Variants in TBCD observed in about 807,000 individuals in gnomAD.
The protein encoded by TBCD is tubulin-specific chaperone D.
TBCD carries 105 observed loss-of-function variants against 169.3 expected under a neutral mutation model. The observed-to-expected ratio is 0.62, with a 90% CI of 0.53 to 0.73. The LOEUF (loss-of-function observed/expected upper bound fraction) is 0.73. TBCD is among the 30% of genes least tolerant of loss of function. TBCD has a pLI of 0.00. For missense variants in TBCD, 1,444 were observed against 1,600.1 expected (o/e 0.90, Z 1.66); for synonymous variants, 700 against 643.9 (o/e 1.09, Z -1.32).
chr17:82,932,519 C>T, intron 33 of TBCD, 139 bp from the exon 34 acceptor site: 1 of 727,690 alleles, frequency 1.4e-6, no homozygotes. Context: ...TTTGTCTTTT[C>T]CTGAAGCTTT....
intron 13 of TBCD, among the ~76,000 whole-genome samples, chr17:82,824,951 T>A (rs1452309455): frequency 6.6e-6 from 1 of 152,198 alleles, no homozygotes; most frequent in South Asian, 2.1e-4. Context: ...TTTTTTTTTC[T>A]TTTTGCTATA....
chr17:82,881,662 G>T (rs963147592), intron 14 of TBCD, among the ~76,000 whole-genome samples: 11 of 152,214 alleles, frequency 7.2e-5, no homozygotes, highest in African/African-American at 2.4e-4. Flanking sequence ...TGATGTCGTT[G>T]TGGAGCCCGC....
At position 82,905,945 on chromosome 17, in the gene TBCD, G is replaced by C; in HGVS notation, c.1814G>C (p.Arg605Thr). 6.2e-7 allele frequency: 1 copy of C among 1,611,986 alleles called. No homozygotes were observed. The highest frequency in any genetic ancestry group is 8.5e-7 in the Non-Finnish European group (1 of 1,178,960). ...PEFSATQVFPRLLSMTLSPDL... is the reference protein window; with the variant it reads ...PEFSATQVFPTLLSMTLSPDL... ...GCCCTGTCTCTTGCAGTCTTCCCGA[G>C]GCTGCTGTCCATGACACTGAGTCCA... is the stretch of plus-strand genomic sequence containing the variant. Residue 605 changes from arginine (R) to threonine (T), a missense_variant, in exon 20 of 39, where the codon AGG (arginine) becomes ACG (threonine). Transcript: ENST00000355528.
chr17:82,861,479 T>G (rs761395586), intron 13 of TBCD, among the ~76,000 whole-genome samples: 1 of 152,124 alleles, frequency 6.6e-6, no homozygotes, highest in African/African-American at 2.4e-5. Flanking sequence ...ATAAAATCAA[T>G]GTTTGTTTAT....
At chr17:82,861,213 C>T (rs1451293529) in intron 13 of TBCD, among the ~76,000 whole-genome samples, 1 of 151,774 alleles carries the variant, frequency 6.6e-6, no homozygotes, top group Non-Finnish European at 1.5e-5. Flanking sequence ...TGGTCAGGGA[C>T]CCACCCAGTC....
chr17:82,858,087 A>AT (rs1417926723), intron 13 of TBCD, among the ~76,000 whole-genome samples: 2 of 151,692 alleles, frequency 1.3e-5, no homozygotes, highest in African/African-American at 4.8e-5. Context: ...TAACTTTTGT[A>AT]TTTTTTTGTA....
chr17:82,889,217 G>A lies in TBCD; in HGVS notation c.1534-451G>A, dbSNP rs2058960021. Among the ~76,000 whole-genome samples, 1 of 152,144 alleles carries A rather than the reference G, an allele frequency of 6.6e-6. No homozygotes were observed. Among genetic ancestry groups the A allele is most frequent in the African/African-American group, 2.4e-5 (1 of 41,432 alleles). On this transcript the variant is annotated intron_variant, in intron 15 of 38. Coordinates refer to ENST00000355528, the MANE Select transcript of TBCD (RefSeq NM_005993.5). This position sits in a 1 kb window ranked among gnomAD's most constrained non-coding sequence, Gnocchi z 5.3. ...GGGCCTGTGCCCGGCCCTGGGACTC[G>A]GCCTGGAGAGCCTATTGACACCGTG...
At chr17:82,757,381 G>A (rs1797658376) in intron 2 of TBCD, among the ~76,000 whole-genome samples, 2 of 152,156 alleles carry the variant, frequency 1.3e-5, no homozygotes, top group Admixed American at 1.3e-4. Context: ...AGCACTTTGG[G>A]AGGTGGAGGC....
rs1473424280 is a variant in TBCD, at chr17:82,852,625, C to T, written c.1319-17599C>T. Among the ~76,000 whole-genome samples, 4 of 152,168 alleles carry T rather than the reference C, an allele frequency of 2.6e-5. No individual in the cohort carries two copies. In the East Asian group the frequency reaches 7.7e-4, roughly 29 times the overall value. ...GATCCGGGCCCCACTTGCGTGGCCT[C>T]ATTTTACCTTACGCATCTCTAAGGG... On this transcript the variant is annotated intron_variant, in intron 13 of 38. Coordinates refer to ENST00000355528, the MANE Select transcript of TBCD (RefSeq NM_005993.5).
At chr17:82,787,246 A>G (rs2049384714) in intron 7 of TBCD, among the ~76,000 whole-genome samples, 1 of 152,262 alleles carries the variant, frequency 6.6e-6, no homozygotes, top group Non-Finnish European at 1.5e-5. Context: ...GCAGCACCTC[A>G]GAACTATTCA....
intron 13 of TBCD, among the ~76,000 whole-genome samples, chr17:82,859,243 C>T (rs560796315): frequency 1.4e-5 from 2 of 142,242 alleles, no homozygotes; most frequent in Admixed American, 7.1e-5. Flanking sequence ...TCTCGTGGGT[C>T]GTCTGGCCTG....
intron 13 of TBCD, among the ~76,000 whole-genome samples, chr17:82,829,128 C>G (rs1026624357): frequency 6.6e-6 from 1 of 151,492 alleles, no homozygotes. Context: ...TGCACACGTG[C>G]ACACCCACAC....
At chr17:82,908,182 G>T (rs1052101956) in intron 21 of TBCD, 14 of 389,548 alleles carry the variant, frequency 3.6e-5, no homozygotes. Flanking sequence ...CGGGGCGCGC[G>T]GCTGCGGTCC....
rs963371337 is a variant in TBCD, at chr17:82,942,364, A to G, written c.3565-85A>G. The G allele has an allele frequency of 1.1e-5, 18 of 1,586,006 alleles. No homozygotes were observed. The Admixed American group carries it at 2.8e-4, about 25-fold the overall frequency. On this transcript the variant is annotated intron_variant, in intron 38 of 38. Transcript: ENST00000355528. ...GCAGGAACCGTGTCAGTCCCCACACAGGGCCCAGAGGGGTGAGGGTCCCCT... is the reference window on the plus strand; with the variant it reads ...GCAGGAACCGTGTCAGTCCCCACACGGGGCCCAGAGGGGTGAGGGTCCCCT...
At chr17:82,851,176 A>G (rs535312311) in intron 13 of TBCD, among the ~76,000 whole-genome samples, 13 of 152,370 alleles carry the variant, frequency 8.5e-5, no homozygotes, top group Non-Finnish European at 1.5e-4. Context: ...TAAAAACTGG[A>G]TACAGAATAA....
rs1489278580 is a variant in TBCD, at chr17:82,915,442, C to G, written c.2038+3653C>G. On this transcript the variant is annotated intron_variant, in intron 23 of 38. Transcript: ENST00000355528. The surrounding 1 kb of genome is among the most constrained non-coding windows in gnomAD (Gnocchi z 4.3). ...CTGGATGTCCTCAGCGTGGCCTGAACTGAGCTGCTTCCCCCGGTGCCAGGA... is the reference window on the plus strand; with the variant it reads ...CTGGATGTCCTCAGCGTGGCCTGAAGTGAGCTGCTTCCCCCGGTGCCAGGA... Among the ~76,000 whole-genome samples the G allele has an allele frequency of 6.6e-6, 1 of 152,112 alleles. No homozygotes were observed. The highest frequency in any genetic ancestry group is 2.4e-5 in the African/African-American group (1 of 41,382).
At position 82,924,919 on chromosome 17, in the gene TBCD, C is replaced by T. The variant is rs1164613874; in HGVS notation, c.2261-20C>T. ...ATGGGCAGCAGAGGGCCTCTCTTCA[C>T]ACTCGTTGCTTCCTTTCAGAGGAGC... On this transcript the variant is annotated intron_variant, in intron 26 of 38. Transcript: ENST00000355528. 4 of 1,548,318 alleles carry T rather than the reference C, an allele frequency of 2.6e-6. No homozygotes were observed. Among genetic ancestry groups the T allele is most frequent in the African/African-American group, 1.4e-5 (1 of 73,032 alleles).
Position 82,943,007 on chromosome 17 carries a change from G to A in TBCD, c.*544G>A, listed in dbSNP as rs528785113. On this transcript the variant is annotated 3_prime_UTR_variant, in exon 39 of 39. Coordinates refer to ENST00000355528, the MANE Select transcript of TBCD (RefSeq NM_005993.5). ...CTGGGCCCGTCTGCCTGGTGGGGGT[G>A]CTGTCCTCCCCCCTGTGCACACGTG... 6 of 171,312 alleles carry A rather than the reference G, an allele frequency of 3.5e-5. No homozygotes were observed. The South Asian group carries it at 7.4e-4, about 21-fold the overall frequency. 10.6% of individuals were successfully genotyped at this position (171,312 alleles called of 1,614,324 possible).
chr17:82,806,111 ACTGT>A lies in TBCD; in HGVS notation c.1087+104_1087+107del. 6.7e-7 allele frequency: 1 copy of A among 1,487,906 alleles called. No homozygotes were observed. Among genetic ancestry groups the A allele is most frequent in the South Asian group, 1.3e-5 (1 of 77,000 alleles). 92.2% of individuals were successfully genotyped at this position (1,487,906 alleles called of 1,614,324 possible). On this transcript the variant is annotated intron_variant, in intron 10 of 38. Transcript: ENST00000355528. The surrounding 1 kb of genome is among the most constrained non-coding windows in gnomAD (Gnocchi z 5.1). The stretch of plus-strand genomic sequence containing the variant: ...TTCCTTCTTCCTTGCTGGTGCCGGC[ACTGT>A]CTGGCCACCCGTCCCCTTCGCTGAG...
Sources: gnomAD v4.1 joint callset for allele counts (sites outside exome capture counted in the v4.1 genomes callset) on GRCh38, gnomAD v4.1.1 for gene constraint, Gnocchi (gnomAD v3.1) non-coding constraint, MANE v1.5 for transcripts, NCBI Gene and HGNC (gene_info 2026-07-23, HGNC 2026-07-21) for gene names.